HDAC9: variants seen among roughly 807,000 people sequenced by gnomAD.
HDAC9 encodes histone deacetylase 9, also known as MEF-2 interacting transcription repressor (MITR) protein.
Under a neutral mutation model 139.4 loss-of-function variants are expected in HDAC9, and 41 were observed. That is an observed-to-expected ratio of 0.29 (90% CI 0.23 to 0.38). HDAC9 has a LOEUF of 0.38. Ranked by LOEUF, HDAC9 falls within the 10% of genes least tolerant of loss-of-function variation. The pLI is 1.00. For synonymous variants in HDAC9, 517 were observed against 476.2 expected, an observed-to-expected ratio of 1.09 and a Z score of -1.12; for missense variants, 1,147 against 1,297.0, an observed-to-expected ratio of 0.88 and a Z score of 1.78.
intron 6 of HDAC9, among the ~76,000 whole-genome samples, chr7:18,604,761 C>A (rs1257757938): frequency 6.6e-6 from 1 of 152,068 alleles, no homozygotes; most frequent in Non-Finnish European, 1.5e-5. Context: ...TTCAATCTTT[C>A]CTAGAGTTTC....
At position 18,153,494 on chromosome 7, in the gene HDAC9, A is replaced by G. The variant is rs555270746; in HGVS notation, c.-96-8735A>G. 2.0e-5 allele frequency among the ~76,000 whole-genome samples: 3 copies of G among 152,282 alleles called. No individual in the cohort carries two copies. In the South Asian group the frequency reaches 6.2e-4, roughly 32 times the overall value. On this transcript the variant is annotated intron_variant, in intron 1 of 12. Coordinates refer to the HDAC9 transcript ENST00000417496. ...AGTGAAGTTATAAAGTTCTGTACAA[A>G]TGAAGACTTGGCCCTCTACCAGCCT...
chr7:18,807,735 ATT>A (rs112994344), intron 17 of HDAC9, among the ~76,000 whole-genome samples: 2,693 of 152,004 alleles, frequency 0.018, 88 homozygotes, highest in African/African-American at 0.061. Flanking sequence ...TGAATTTCCA[ATT>A]TTCCTCTGGT....
intron 1 of HDAC9, among the ~76,000 whole-genome samples, chr7:18,300,971 TC>T (rs2128612645): frequency 6.6e-6 from 1 of 152,142 alleles, no homozygotes; most frequent in South Asian, 2.1e-4. Flanking sequence ...CTGAGAAAAC[TC>T]CTGTCAAATA....
intron 22 of HDAC9, among the ~76,000 whole-genome samples, chr7:18,928,935 C>T (rs1804478420): frequency 6.6e-6 from 1 of 151,428 alleles, no homozygotes; most frequent in African/African-American, 2.4e-5. Context: ...TTCCAAATTT[C>T]TTACAACGAG....
At chr7:18,947,099 T>C (rs1782457756) in intron 23 of HDAC9, among the ~76,000 whole-genome samples, 1 of 151,950 alleles carries the variant, frequency 6.6e-6, no homozygotes. Context: ...AAATATAACA[T>C]GTGAAAACTT....
rs116655986 is a variant in HDAC9, at chr7:18,343,494, G to A, written c.-42+52979G>A. Among the ~76,000 whole-genome samples the A allele has an allele frequency of 6.8e-3, 1,032 of 151,960 alleles. 14 individuals are homozygous for A. The highest frequency in any genetic ancestry group is 0.024 in the African/African-American group (986 of 41,514). The stretch of plus-strand genomic sequence containing the variant: ...TTATCTACAGAAAATGTTGCCTAGT[G>A]TATGGTGTGTTCAGCTCTGCTGTGT... On this transcript the variant is annotated intron_variant, in intron 1 of 3. Transcript: ENST00000413509.
Position 18,138,561 on chromosome 7 carries a change from T to TGTGTGC in HDAC9, c.-96-23665_-96-23664insTGCGTG, listed in dbSNP as rs1369715466. On this transcript the variant is annotated intron_variant, in intron 1 of 12. Coordinates refer to the HDAC9 transcript ENST00000417496. ...GTGTGTGTGTGTGTGTGTGTGTGTG[T>TGTGTGC]GTGCACATGCTCATTTAGTTATTTG... is the stretch of plus-strand genomic sequence containing the variant. 2.9e-5 allele frequency among the ~76,000 whole-genome samples: 4 copies of TGTGTGC among 137,924 alleles called. No individual in the cohort carries two copies. The South Asian group carries it at 8.8e-4, about 30-fold the overall frequency. The allele number at this position is 137,924 out of a possible 152,430, so 90.5% of individuals were successfully genotyped here. A position where few individuals can be genotyped will look rare whatever the true frequency, so the allele number is the denominator to read the frequency against.
chr7:18,303,546 C>T (rs545511086), intron 1 of HDAC9, among the ~76,000 whole-genome samples: 5 of 152,156 alleles, frequency 3.3e-5, no homozygotes, highest in African/African-American at 1.2e-4. Flanking sequence ...CGCGCCCGGC[C>T]GGAATGAGAC....
chr7:18,376,847 G>C (rs889577902), intron 1 of HDAC9, among the ~76,000 whole-genome samples: 3 of 152,010 alleles, frequency 2.0e-5, no homozygotes, highest in African/African-American at 7.3e-5. Context: ...TAGACTGCTG[G>C]GTGCTATACC....
chr7:18,097,053 A>T (rs1782553192), intron 1 of HDAC9, among the ~76,000 whole-genome samples: 1 of 152,196 alleles, frequency 6.6e-6, no homozygotes, highest in Non-Finnish European at 1.5e-5. Context: ...CATCATAGCC[A>T]CTAGGCACAT....
At chr7:18,777,109 G>T (rs1790838436) in intron 16 of HDAC9, among the ~76,000 whole-genome samples, 1 of 152,000 alleles carries the variant, frequency 6.6e-6, no homozygotes, top group Non-Finnish European at 1.5e-5. Context: ...CACTTACTCA[G>T]GCACTCAAAG....
chr7:18,219,341 T>C (rs1362288298), intron 2 of HDAC9, among the ~76,000 whole-genome samples: 1 of 152,178 alleles, frequency 6.6e-6, no homozygotes, highest in Non-Finnish European at 1.5e-5. Flanking sequence ...AGTGGTTCTG[T>C]AATGAACCTG....
chr7:18,890,945 C>T (rs914490326), intron 22 of HDAC9, among the ~76,000 whole-genome samples: 4 of 152,152 alleles, frequency 2.6e-5, no homozygotes, highest in African/African-American at 9.7e-5. Flanking sequence ...ATTTATTTAG[C>T]TGACCTGTAC....
chr7:18,189,378 G>T (rs1331229361), intron 2 of HDAC9, among the ~76,000 whole-genome samples: 2 of 151,872 alleles, frequency 1.3e-5, no homozygotes, highest in Admixed American at 6.6e-5. Flanking sequence ...TTAGAGGACA[G>T]GTCAATAGGT....
intron 2 of HDAC9, among the ~76,000 whole-genome samples, chr7:18,232,938 C>G (rs926859417): frequency 2.0e-5 from 3 of 152,206 alleles, no homozygotes; most frequent in Non-Finnish European, 4.4e-5. Context: ...AGCATAGGTT[C>G]ATAATAAACA....
intron 1 of HDAC9, among the ~76,000 whole-genome samples, chr7:18,318,009 G>A (rs1177408669): frequency 6.6e-6 from 1 of 152,184 alleles, no homozygotes; most frequent in Non-Finnish European, 1.5e-5. Flanking sequence ...GATAATGGTT[G>A]CCTGTAGGAG....
intron 22 of HDAC9, among the ~76,000 whole-genome samples, chr7:18,878,061 T>C (rs918465471): frequency 3.3e-5 from 5 of 152,180 alleles, no homozygotes; most frequent in Non-Finnish European, 7.3e-5. Context: ...CTAAATATGC[T>C]GATTCAGATA....
At chr7:18,989,629 G>C (rs1047749035) in intron 25 of HDAC9, among the ~76,000 whole-genome samples, 1 of 151,126 alleles carries the variant, frequency 6.6e-6, no homozygotes, top group African/African-American at 2.4e-5. Flanking sequence ...AGTTCTCCTG[G>C]ATAATATCCT....
chr7:18,686,383 A>G (rs908826752), intron 12 of HDAC9, among the ~76,000 whole-genome samples: 1 of 151,992 alleles, frequency 6.6e-6, no homozygotes, highest in Non-Finnish European at 1.5e-5. Flanking sequence ...GGATGGCTTC[A>G]CAGTTGTGGC....
Sources: allele counts gnomAD v4.1 joint callset (sites outside exome capture counted in the v4.1 genomes callset), GRCh38; gene constraint gnomAD v4.1.1; transcripts MANE v1.5; gene names NCBI Gene and HGNC (gene_info 2026-07-23, HGNC 2026-07-21).